The following ITGA7 variants were observed in gnomAD, a reference collection of about 807,000 sequenced individuals.
ITGA7 encodes integrin subunit alpha 7, also known as integrin alpha-7.
A neutral mutation model predicts 131.6 loss-of-function variants in ITGA7; 84 were observed. The ratio of observed to expected loss-of-function variants is 0.64; its 90% CI spans 0.54 to 0.77. The LOEUF is 0.77. Ranked by LOEUF, ITGA7 falls within the 30% of genes least tolerant of loss-of-function variation. The pLI is 0.00. For synonymous variants in ITGA7, 548 were observed against 600.7 expected (o/e 0.91, Z 1.28); for missense variants, 1,399 against 1,482.9 (o/e 0.94, Z 0.93).
intron 22 of ITGA7, 86 bp downstream of exon 22, chr12:55,688,758 A>C: frequency 1.0e-6 from 1 of 979,174 alleles, no homozygotes; most frequent in East Asian, 2.4e-5. Context: ...CTGCATTTGG[A>C]CAGTGAGGAA....
In ITGA7 at chr12:55,692,977, T is replaced by C; in HGVS notation, c.2713-2A>G. 2.5e-6 allele frequency: 4 copies of C among 1,613,988 alleles called. No individual in the cohort carries two copies. Among genetic ancestry groups the C allele is most frequent in the Non-Finnish European group, 3.4e-6 (4 of 1,180,014 alleles). On this transcript the variant is annotated splice_acceptor_variant, in intron 20 of 24. Transcript: ENST00000257879. LOFTEE classifies it high-confidence loss of function. ...CCTCCTATCCCTACTGTCCACATCC[T>C]GGACACGGAAGGGGGGTCTTAGTGA...
Position 55,696,351 on chromosome 12 carries a change from G to C in ITGA7, c.1819C>G (p.Pro607Ala), listed in dbSNP as rs139663941. The change falls in exon 13 of 25, where the codon CCT becomes GCT. Residue 607 changes from proline to alanine, a missense_variant. Physicochemically the swap from Pro to Ala is conservative, Grantham distance 27. Coordinates refer to ENST00000257879, the MANE Select transcript of ITGA7 (RefSeq NM_002206.3). ...LQTPRLRRQA[P>A]GQGLPPVAPI... ...GCCACTGGAGGCAGCCCCTGGCCAGGAGCCTGTCGCCGGAGCCGAGGGGTC... is the reference window on the plus strand; with the variant it reads ...GCCACTGGAGGCAGCCCCTGGCCAGCAGCCTGTCGCCGGAGCCGAGGGGTC... 6.9e-6 allele frequency: 11 copies of C among 1,589,460 alleles called. No homozygotes were observed. In the East Asian group the frequency reaches 2.5e-4, roughly 36 times the overall value.
chr12:55,715,123 T>A (rs1876421927), upstream of ITGA7, among the ~76,000 whole-genome samples: 1 of 152,188 alleles, frequency 6.6e-6, no homozygotes, highest in Non-Finnish European at 1.5e-5. Context: ...CCTCCCAAAG[T>A]GCTGGGATTA....
chr12:55,699,014 T>A, intron 5 of ITGA7, 97 bp from the exon 6 acceptor site: 1 of 1,184,066 alleles, frequency 8.4e-7, no homozygotes, highest in Admixed American at 2.0e-5. Context: ...CCCTACAGGT[T>A]AAGAGCCAAG....
At position 55,700,984 on chromosome 12, in the gene ITGA7, C is replaced by A. The variant is rs775558052; in HGVS notation, c.585G>T (p.Gly195=). The stretch of plus-strand genomic sequence containing the variant: ...CGGCAGCTGTGCCCTGCTGGCAGAA[C>A]CCAAATTGTTCATGGCCTTGGGGGC... ...EGRPQGHEQF[G]FCQQGTAAAF... The change falls in exon 4 of 25, where the codon GGG becomes GGT. Residue 195 remains glycine, a synonymous_variant. Coordinates refer to ENST00000257879, the MANE Select transcript of ITGA7 (RefSeq NM_002206.3). The A allele has an allele frequency of 6.2e-7, 1 of 1,614,208 alleles. No homozygotes were observed. The highest frequency in any genetic ancestry group is 2.2e-5 in the East Asian group (1 of 44,882).
chr12:55,701,511 T>C, intron 3 of ITGA7: 1 of 1,216,598 alleles, frequency 8.2e-7, no homozygotes, highest in South Asian at 1.3e-5. Flanking sequence ...CTTGGCCCTG[T>C]CCCTGGACCT....
intron 21 of ITGA7, among the ~76,000 whole-genome samples, chr12:55,691,555 T>C (rs1325608006): frequency 2.0e-5 from 3 of 152,238 alleles, no homozygotes; most frequent in East Asian, 1.9e-4. Context: ...CCACAGTATA[T>C]ACATATTTCA....
chr12:55,703,205 A>C, intron 1 of ITGA7, 27 bp from the exon 2 acceptor site: 1 of 1,603,550 alleles, frequency 6.2e-7, no homozygotes, highest in South Asian at 1.1e-5. Context: ...GGGCAGGGAC[A>C]GGGACAGGAG....
chr12:55,712,147 G>A (rs1362762154), upstream of ITGA7: 1 of 1,551,498 alleles, frequency 6.4e-7, no homozygotes, highest in Non-Finnish European at 8.7e-7. Flanking sequence ...GGGAGGAAAA[G>A]AACATAAATG....
At position 55,701,088 on chromosome 12, in the gene ITGA7, C is replaced by T. The variant is rs1447086037; in HGVS notation, c.481G>A (p.Gly161Ser). ...TCCTGGCTGAGCACAAAGCAGCGAC[C>T]AATCATATCCCGCGTCTCCAGGATC... ...DQILETRDMI[G>S]RCFVLSQDLA... Residue 161 changes from glycine (G) to serine (S), a missense_variant, in exon 4 of 25, where the codon GGT becomes AGT. By Grantham distance (56) the Gly-to-Ser change is moderately conservative. Coordinates refer to ENST00000257879, the MANE Select transcript of ITGA7 (RefSeq NM_002206.3). 1 of 1,614,220 alleles carries T rather than the reference C, an allele frequency of 6.2e-7. No individual in the cohort carries two copies. The highest frequency in any genetic ancestry group is 1.1e-5 in the South Asian group (1 of 91,086).
chr12:55,696,034 A>G (rs1872557805), intron 13 of ITGA7, among the ~76,000 whole-genome samples: 1 of 152,112 alleles, frequency 6.6e-6, no homozygotes, highest in Non-Finnish European at 1.5e-5. Context: ...TGACTTCAAG[A>G]GCTTGAAGGC....
At chr12:55,688,733 A>C (rs1427010644) in intron 22 of ITGA7, 111 bp downstream of exon 22, 1 of 824,448 alleles carries the variant, frequency 1.2e-6, no homozygotes, top group Non-Finnish European at 2.0e-6. Flanking sequence ...AAAAAAAAAA[A>C]AAAGGGGGGG....
chr12:55,695,714 G>C (rs780811313), intron 13 of ITGA7, 77 bp from the exon 14 acceptor site: 92 of 955,646 alleles, frequency 9.6e-5, no homozygotes, highest in Non-Finnish European at 2.4e-5. Context: ...GCATATGGTG[G>C]GTTAGAGTAT....
At position 55,699,413 on chromosome 12, in the gene ITGA7, G is replaced by T. The variant is rs1592458371; in HGVS notation, c.790+457C>A. 6 of 285,274 alleles carry T rather than the reference G, an allele frequency of 2.1e-5. No homozygotes were observed. In the South Asian group the frequency reaches 2.2e-4, roughly 10 times the overall value. The allele number at this position is 285,274 out of a possible 1,614,324, so 17.7% of individuals were successfully genotyped here. ...TTCACATGGATGAGGGGGAGACAAG[G>T]GGGAGTGAGAGAGCGCCTGCTTCAC... On this transcript the variant is annotated intron_variant, in intron 5 of 24. Transcript: ENST00000257879.
upstream of ITGA7, chr12:55,716,010 G>A (rs1224985807): frequency 5.3e-6 from 8 of 1,516,408 alleles, no homozygotes; most frequent in South Asian, 1.2e-5. Context: ...AAGGTCTCAA[G>A]AGGGCGGTTC....
Position 55,696,333 on chromosome 12 carries a change from G to A in ITGA7, c.1837C>T (p.Pro613Ser), listed in dbSNP as rs1180071537. ...TGGGCATTGAGGATGGGGGCCACTG[G>A]AGGCAGCCCCTGGCCAGGAGCCTGT... The part of the protein sequence containing the change: ...RRQAPGQGLP[P>S]VAPILNAHQP... Residue 613 changes from proline (P) to serine (S), a missense_variant, in exon 13 of 25, where the codon CCA (proline) becomes TCA (serine). By Grantham distance (74) the Pro-to-Ser change is moderately conservative. Coordinates refer to ENST00000257879, the MANE Select transcript of ITGA7 (RefSeq NM_002206.3). The A allele has an allele frequency of 6.3e-7, 1 of 1,583,646 alleles. No homozygotes were observed. The highest frequency in any genetic ancestry group is 1.2e-5 in the South Asian group (1 of 86,930).
At chr12:55,695,376 C>T in intron 14 of ITGA7, 146 bp downstream of exon 14, 1 of 671,768 alleles carries the variant, frequency 1.5e-6, no homozygotes, top group East Asian at 2.7e-5. Flanking sequence ...TCATCTCAGT[C>T]TCCAAGTCCA....
At chr12:55,712,627 A>T (rs1592508957), upstream of ITGA7, among the ~76,000 whole-genome samples, 2 of 152,228 alleles carry the variant, frequency 1.3e-5, no homozygotes, top group East Asian at 3.8e-4. Context: ...GCAGAAAGAG[A>T]CTTCAAATTT....
chr12:55,691,692 G>A (rs554664107), intron 21 of ITGA7, among the ~76,000 whole-genome samples: 6 of 152,232 alleles, frequency 3.9e-5, no homozygotes, highest in East Asian at 1.9e-4. Flanking sequence ...AGAGGAAATC[G>A]GTCACGTGGA....
Sources: gnomAD v4.1 joint callset for allele counts (sites outside exome capture counted in the v4.1 genomes callset) on GRCh38, gnomAD v4.1.1 for gene constraint, MANE v1.5 for transcripts, NCBI Gene and HGNC (gene_info 2026-07-23, HGNC 2026-07-21) for gene names.